JAK1: variants seen among roughly 807,000 people sequenced by gnomAD.
The protein encoded by JAK1 is tyrosine-protein kinase JAK1.
JAK1 carries 16 observed loss-of-function variants against 136.6 expected under a neutral mutation model. The ratio of observed to expected loss-of-function variants is 0.12; its 90% confidence interval spans 0.08 to 0.18. JAK1 has a LOEUF of 0.18. Among genes scored for constraint, JAK1 ranks in the 10% least tolerant of loss-of-function variants. The pLI is 1.00. For synonymous variants in JAK1, 492 were observed against 519.5 expected (o/e 0.95, Z 0.72); for missense variants, 859 against 1,450.1 (o/e 0.59, Z 6.62).
chr1:64,988,538 G>GA (rs1440372223), intron 2 of JAK1, among the ~76,000 whole-genome samples: 2 of 151,884 alleles, frequency 1.3e-5, no homozygotes, highest in Non-Finnish European at 2.9e-5. Flanking sequence ...TCAGACTCTG[G>GA]AAAAAAGTCA....
rs982812465 is a variant in JAK1, at chr1:64,834,095, T to A, written c.*467A>T. On this transcript the variant is annotated 3_prime_UTR_variant, in exon 25 of 25. Transcript: ENST00000342505. ...GCATGGTCTAGTACTGTATAGATAC[T>A]GAAATTTGAGGGCTAAGTCCATCAA... 8.1e-6 allele frequency: 2 copies of A among 245,466 alleles called. No homozygotes were observed. The highest frequency in any genetic ancestry group is 5.7e-5 in the East Asian group (1 of 17,570). The allele number at this position is 245,466 out of a possible 1,614,324, so 15.2% of individuals were successfully genotyped here. A position where few individuals can be genotyped will look rare whatever the true frequency, so the allele number is the denominator to read the frequency against.
intron 2 of JAK1, among the ~76,000 whole-genome samples, chr1:65,019,609 C>T (rs964489978): frequency 3.3e-5 from 5 of 151,940 alleles, no homozygotes; most frequent in African/African-American, 4.8e-5. Flanking sequence ...TGCAAAATAG[C>T]GAAGTTGCTA....
chr1:64,920,765 G>A (rs1645480855), intron 1 of JAK1, among the ~76,000 whole-genome samples: 1 of 152,070 alleles, frequency 6.6e-6, no homozygotes, highest in African/African-American at 2.4e-5. Flanking sequence ...AAACAGGCAG[G>A]CAGAATAAAT....
intron 2 of JAK1, among the ~76,000 whole-genome samples, chr1:64,982,485 T>C (rs1646557505): frequency 6.6e-6 from 1 of 152,122 alleles, no homozygotes; most frequent in South Asian, 2.1e-4. Flanking sequence ...CCCTTTCAGA[T>C]TATTGCAATC....
intron 1 of JAK1, among the ~76,000 whole-genome samples, chr1:64,926,428 C>T (rs1157865696): frequency 6.7e-6 from 1 of 148,966 alleles, no homozygotes. Context: ...ACTTCAGAGC[C>T]ATCGCAGCAC....
intron 1 of JAK1, among the ~76,000 whole-genome samples, chr1:65,065,529 A>C (rs1351615981): frequency 6.6e-6 from 1 of 151,984 alleles, no homozygotes; most frequent in Non-Finnish European, 1.5e-5. Context: ...TCGACTGGTA[A>C]GCAGAATAAA....
At chr1:64,880,090 C>T (rs1644746347) in intron 3 of JAK1, among the ~76,000 whole-genome samples, 2 of 152,194 alleles carry the variant, frequency 1.3e-5, no homozygotes, top group Non-Finnish European at 2.9e-5. Context: ...CGGACATCTG[C>T]AGTGAGACTG....
intron 1 of JAK1, among the ~76,000 whole-genome samples, chr1:64,892,167 A>C (rs1557668926): frequency 6.6e-6 from 1 of 152,208 alleles, no homozygotes; most frequent in Non-Finnish European, 1.5e-5. Flanking sequence ...AATGAATATA[A>C]GATTTAGTGA....
At chr1:65,027,205 C>G (rs1380979790) in intron 2 of JAK1, among the ~76,000 whole-genome samples, 1 of 151,666 alleles carries the variant, frequency 6.6e-6, no homozygotes, top group East Asian at 2.0e-4. Flanking sequence ...CACCACCACA[C>G]CTGGCTAATT....
intron 1 of JAK1, among the ~76,000 whole-genome samples, chr1:64,920,017 G>A (rs1357254658): frequency 1.3e-5 from 2 of 151,898 alleles, no homozygotes; most frequent in African/African-American, 4.8e-5. Context: ...GACATCAAAA[G>A]AAAAAAGTGC....
intron 1 of JAK1, among the ~76,000 whole-genome samples, chr1:65,045,436 G>C (rs1020050678): frequency 2.0e-5 from 3 of 152,228 alleles, no homozygotes; most frequent in Non-Finnish European, 2.9e-5. Flanking sequence ...CTCTGGGAGA[G>C]TGGCAGTTAG....
intron 2 of JAK1, among the ~76,000 whole-genome samples, chr1:64,981,873 T>A (rs1569813331): frequency 6.6e-6 from 1 of 152,202 alleles, no homozygotes; most frequent in East Asian, 1.9e-4. Context: ...AATGCCCCTT[T>A]AGAGATATTC....
chr1:65,026,037 A>T (rs579462), intron 2 of JAK1, among the ~76,000 whole-genome samples: 34,997 of 152,046 alleles, frequency 0.23, 5,203 homozygotes, highest in African/African-American at 0.38. Flanking sequence ...TTCCAGCATC[A>T]TAGGTTGGTT....
chr1:64,881,321 C>G (rs562162426), intron 3 of JAK1, among the ~76,000 whole-genome samples: 28 of 137,210 alleles, frequency 2.0e-4, no homozygotes, highest in Non-Finnish European at 3.9e-4. Flanking sequence ...CTCCTAATAT[C>G]TAATGAGGTA....
chr1:64,952,435 A>G (rs1378238774), intron 1 of JAK1, among the ~76,000 whole-genome samples: 3 of 152,218 alleles, frequency 2.0e-5, no homozygotes, highest in Admixed American at 2.0e-4. Flanking sequence ...CATTTTATAT[A>G]GTTTTTTCAT....
At chr1:65,028,520 A>G (rs1292039221) in intron 2 of JAK1, among the ~76,000 whole-genome samples, 1 of 151,538 alleles carries the variant, frequency 6.6e-6, no homozygotes, top group Non-Finnish European at 1.5e-5. Flanking sequence ...AGGGACTGGT[A>G]TAACCACACA....
intron 9 of JAK1, among the ~76,000 whole-genome samples, chr1:64,858,497 T>C (rs998229434): frequency 6.6e-6 from 1 of 152,234 alleles, no homozygotes; most frequent in African/African-American, 2.4e-5. Flanking sequence ...CTTTAAGGCC[T>C]GGCAAGCCAT....
intron 8 of JAK1, among the ~76,000 whole-genome samples, chr1:64,860,861 T>TGTGTGTGTGTGTGTGTGG (rs58016723): frequency 7.6e-6 from 1 of 132,244 alleles, no homozygotes; most frequent in Non-Finnish European, 1.6e-5. Context: ...TGTGTGTGTG[T>TGTGTGTGTGTGTGTGTGG]TGGGGGTGAC....
intron 2 of JAK1, chr1:64,987,652 T>C (rs1426130962): frequency 1.3e-5 from 2 of 152,236 alleles, no homozygotes; most frequent in African/African-American, 4.8e-5. Flanking sequence ...GGCAGGATGA[T>C]GCCTCTAAGT....
Sources: gnomAD v4.1 joint callset for allele counts (sites outside exome capture counted in the v4.1 genomes callset) on GRCh38, gnomAD v4.1.1 for gene constraint, MANE v1.5 for transcripts, NCBI Gene and HGNC (gene_info 2026-07-23, HGNC 2026-07-21) for gene names.